Variants in SLC16A5 observed in about 807,000 individuals in gnomAD.
SLC16A5 encodes the protein monocarboxylate transporter 6.
In SLC16A5, 29 loss-of-function variants were observed where a neutral mutation model predicts 33.2. The ratio of observed to expected loss-of-function variants is 0.87; its 90% CI spans 0.65 to 1.19. The LOEUF (loss-of-function observed/expected upper bound fraction) is 1.19. Ranked by LOEUF, SLC16A5 falls within the 50% of genes most tolerant of loss-of-function variation. The probability of loss-of-function intolerance (pLI) is 0.00; values close to 1 mark genes in which losing one functional copy is unlikely to be tolerated. For synonymous variants in SLC16A5, 248 were observed against 284.1 expected, an observed-to-expected ratio of 0.87 and a Z score of 1.28; for missense variants, 606 against 678.2, an observed-to-expected ratio of 0.89 and a Z score of 1.18.
chr17:75,098,144 C>T lies in SLC16A5; in HGVS notation c.306C>T (p.Asn102=), dbSNP rs1181475699. 1.2e-6 allele frequency: 2 copies of T among 1,612,796 alleles called. No homozygotes were observed. The highest frequency in any genetic ancestry group is 1.7e-6 in the Non-Finnish European group (2 of 1,179,450). Reference sequence around the variant, plus strand: ...TGGTGGCCAGCTCCTTCTCTCACAACCTCAGCCAGCTCTACTTCACAGCAG... The same window carrying T: ...TGGTGGCCAGCTCCTTCTCTCACAATCTCAGCCAGCTCTACTTCACAGCAG... ...LGMVASSFSH[N]LSQLYFTAGF... is the part of the protein sequence containing the mutation. The change falls in exon 4 of 7, where the codon AAC becomes AAT. Residue 102 remains asparagine, a synonymous_variant. Coordinates refer to ENST00000329783, the MANE Select transcript of SLC16A5 (RefSeq NM_004695.4).
chr17:75,094,423 A>G, intron 3 of SLC16A5, among the ~76,000 whole-genome samples: 1 of 152,214 alleles, frequency 6.6e-6, no homozygotes, highest in East Asian at 1.9e-4. Context: ...GCGATGGCTT[A>G]CGCCTGTAAT....
intron 3 of SLC16A5, among the ~76,000 whole-genome samples, chr17:75,096,495 C>T (rs1008276341): frequency 6.6e-6 from 1 of 151,008 alleles, no homozygotes; most frequent in East Asian, 1.9e-4. Flanking sequence ...ATTATGTCTG[C>T]GACGGGCTGC....
At chr17:75,101,020 G>A (rs1005100656) in intron 5 of SLC16A5, among the ~76,000 whole-genome samples, 4 of 152,130 alleles carry the variant, frequency 2.6e-5, no homozygotes, top group South Asian at 2.1e-4. Flanking sequence ...AGGCCGGGGC[G>A]GGCAGATCAT....
downstream of SLC16A5, among the ~76,000 whole-genome samples, chr17:75,108,280 C>G (rs1000452930): frequency 6.6e-6 from 1 of 152,106 alleles, no homozygotes; most frequent in Non-Finnish European, 1.5e-5. Flanking sequence ...GCTGCTCTGT[C>G]CAGCAAGAGG....
intron 5 of SLC16A5, among the ~76,000 whole-genome samples, chr17:75,101,561 GAAAA>G (rs531652324): frequency 6.6e-5 from 3 of 45,664 alleles, no homozygotes; most frequent in Non-Finnish European, 1.3e-4. Flanking sequence ...GACTCCATCT[GAAAA>G]AAAAAAAAAA....
chr17:75,102,806 CACT>C (rs2073816634), intron 5 of SLC16A5, among the ~76,000 whole-genome samples: 2 of 151,814 alleles, frequency 1.3e-5, no homozygotes, highest in Admixed American at 1.3e-4. Context: ...GATCTCAGCT[CACT>C]ACAACCTCTG....
chr17:75,095,699 G>A (rs1436527415), intron 3 of SLC16A5, among the ~76,000 whole-genome samples: 1 of 150,888 alleles, frequency 6.6e-6, no homozygotes, highest in Non-Finnish European at 1.5e-5. Context: ...TCGCTCTGTT[G>A]CCCAGGCTGG....
At chr17:75,107,202 A>G (rs117449248), downstream of SLC16A5, among the ~76,000 whole-genome samples, 2,655 of 151,356 alleles carry the variant, frequency 0.018, 37 homozygotes, top group Non-Finnish European at 0.03. Flanking sequence ...CAGGAGGCAG[A>G]GGTGGGAGGA....
intron 2 of SLC16A5, chr17:75,090,335 A>G (rs2073621019): frequency 6.6e-6 from 1 of 152,266 alleles, no homozygotes; most frequent in South Asian, 2.1e-4. Context: ...CATACCGTGT[A>G]TGTGACCTGG....
chr17:75,100,115 G>T lies in SLC16A5; in HGVS notation c.452G>T (p.Gly151Val), dbSNP rs747539933. ...CTGGCCTCGATGGGCGTCTCCCTGG[G>T]CATCACCCTCTGGCCGCTGCTCTCC... ...NALASMGVSL[G>V]ITLWPLLSRY... Residue 151 changes from glycine to valine, a missense_variant, in exon 5 of 7, where the codon GGC (glycine) becomes GTC (valine). Physicochemically the swap from Gly to Val is moderately radical, Grantham distance 109 (BLOSUM62 -3). Coordinates refer to ENST00000329783, the MANE Select transcript of SLC16A5 (RefSeq NM_004695.4). 1 of 1,614,108 alleles carries T rather than the reference G, an allele frequency of 6.2e-7. No homozygotes were observed. The highest frequency in any genetic ancestry group is 8.5e-7 in the Non-Finnish European group (1 of 1,180,010).
At position 75,098,095 on chromosome 17, in the gene SLC16A5, GGGGCGTGCTGGCCAGCCT is replaced by G. The variant is rs2073743938; in HGVS notation, c.262_279del (p.Val88_Gly93del). 1 of 1,610,210 alleles carries G rather than the reference GGGGCGTGCTGGCCAGCCT, an allele frequency of 6.2e-7. No individual in the cohort carries two copies. Among genetic ancestry groups the G allele is most frequent in the Non-Finnish European group, 8.5e-7 (1 of 1,178,546 alleles). ...GGCTGCCGAGTGACCGTGATGCTGG[GGGGCGTGCTGGCCAGCCT>G]GGGCATGGTGGCCAGCTCCTTCTCT... is the stretch of plus-strand genomic sequence containing the variant. On this transcript the variant is annotated inframe_deletion, in exon 4 of 7. Transcript: ENST00000329783.
chr17:75,110,039 C>G (rs1212054461), downstream of SLC16A5: 1 of 487,654 alleles, frequency 2.1e-6, no homozygotes, highest in Admixed American at 3.8e-5. Flanking sequence ...TAGACGGTTC[C>G]CTGTCTCCCG....
chr17:75,096,005 A>G (rs986636446), intron 3 of SLC16A5, among the ~76,000 whole-genome samples: 5 of 151,620 alleles, frequency 3.3e-5, no homozygotes, highest in East Asian at 1.9e-4. Context: ...GGGTCTCACT[A>G]TGTTGCTCAG....
At chr17:75,092,686 CTGTG>C (rs1402426228) in intron 2 of SLC16A5, among the ~76,000 whole-genome samples, 1 of 151,504 alleles carries the variant, frequency 6.6e-6, no homozygotes, top group African/African-American at 2.4e-5. Context: ...CAGTGGATCT[CTGTG>C]TGTGTGACTA....
At chr17:75,103,304 G>A (rs1318749872) in intron 5 of SLC16A5, among the ~76,000 whole-genome samples, 6 of 150,692 alleles carry the variant, frequency 4.0e-5, no homozygotes, top group African/African-American at 1.2e-4. Context: ...GATTACAGGC[G>A]TGAGCCACTG....
In SLC16A5 at chr17:75,104,004, T is replaced by C. The variant is rs749078936; in HGVS notation, c.1188T>C (p.Tyr396=). 3 of 1,614,242 alleles carry C rather than the reference T, an allele frequency of 1.9e-6. No homozygotes were observed. Among genetic ancestry groups the C allele is most frequent in the Non-Finnish European group, 2.5e-6 (3 of 1,180,038 alleles). The change falls in exon 6 of 7, where the codon TAT becomes TAC. Residue 396 remains tyrosine (Y), a synonymous_variant. Coordinates refer to ENST00000329783, the MANE Select transcript of SLC16A5 (RefSeq NM_004695.4). ...LLLDATNNFS[Y]VFYMSSFFLI... is the part of the protein sequence containing the mutation. ...TGGACGCCACCAACAACTTTAGCTA[T>C]GTTTTCTACATGTCCAGCTTCTTCC...
chr17:75,092,757 TGTGA>T (rs1308657823), intron 2 of SLC16A5, among the ~76,000 whole-genome samples: 1 of 151,918 alleles, frequency 6.6e-6, no homozygotes, highest in Non-Finnish European at 1.5e-5. Flanking sequence ...TGCTTGTCTG[TGTGA>T]GTGTGCGCTG....
At chr17:75,103,479 G>A (rs60307422) in intron 5 of SLC16A5, among the ~76,000 whole-genome samples, 10,815 of 151,224 alleles carry the variant, frequency 0.072, 1,314 homozygotes, top group African/African-American at 0.25. Flanking sequence ...ACAGGTACCT[G>A]CCCCCACACC....
chr17:75,099,674 A>G (rs1382708593), intron 4 of SLC16A5, among the ~76,000 whole-genome samples: 1 of 152,150 alleles, frequency 6.6e-6, no homozygotes, highest in Non-Finnish European at 1.5e-5. Context: ...CCTGACCTCA[A>G]GTGATCCGCC....
Sources: allele counts gnomAD v4.1 joint callset (sites outside exome capture counted in the v4.1 genomes callset), GRCh38; gene constraint gnomAD v4.1.1; transcripts MANE v1.5; gene names NCBI Gene and HGNC (gene_info 2026-07-23, HGNC 2026-07-21).